The following CYLD variants were observed in gnomAD, a reference collection of about 807,000 sequenced individuals.
CYLD encodes the protein ubiquitin carboxyl-terminal hydrolase CYLD.
In CYLD, 26 loss-of-function variants were observed where a neutral mutation model predicts 104.5. That is an observed-to-expected ratio of 0.25 (90% CI 0.18 to 0.35). The LOEUF is 0.35. Among genes scored for constraint, CYLD ranks in the 10% least tolerant of loss-of-function variants. CYLD has a pLI of 1.00. For missense variants in CYLD, 703 were observed against 1,136.1 expected (o/e 0.62, Z 5.48); for synonymous variants, 385 against 399.9 (o/e 0.96, Z 0.45).
intron 2 of CYLD, chr16:50,744,990 T>TC (rs1966051916): frequency 6.6e-6 from 1 of 152,354 alleles, no homozygotes; most frequent in Admixed American, 6.5e-5. Context: ...GGCCTTCTGT[T>TC]CAACATGGCT....
At position 50,751,621 on chromosome 16, in the gene CYLD, A is replaced by G. The variant is rs1316416117; in HGVS notation, c.522A>G (p.Gln174=). The change falls in exon 4 of 19, where the codon CAA becomes CAG. Residue 174 remains glutamine, a synonymous_variant. Transcript: ENST00000427738. ...GVELLEEGRG[Q]GFTDGVYQGK... ...AAAACTAGGAAGAAGGTCGTGGTCA[A>G]GGTTTCACTGACGGGGTGTACCAAG... is the stretch of plus-strand genomic sequence containing the variant. 2 of 1,613,596 alleles carry G rather than the reference A, an allele frequency of 1.2e-6. No individual in the cohort carries two copies. Among genetic ancestry groups the G allele is most frequent in the Admixed American group, 3.3e-5 (2 of 59,972 alleles).
In CYLD at chr16:50,800,485, C is replaced by G. The variant is rs1054321751; in HGVS notation, c.*3977C>G. 1 of 233,082 alleles carries G rather than the reference C, an allele frequency of 4.3e-6. No individual in the cohort carries two copies. The highest frequency in any genetic ancestry group is 2.2e-5 in the African/African-American group (1 of 45,300). 14.4% of individuals were successfully genotyped at this position (233,082 alleles called of 1,614,324 possible). Reference sequence around the variant, plus strand: ...TGCATTTTAGTCTGTGTACCTCAACCTGCTGTTTGTTTCCTAGAGGTGTTA... The same window carrying G: ...TGCATTTTAGTCTGTGTACCTCAACGTGCTGTTTGTTTCCTAGAGGTGTTA... On this transcript the variant is annotated 3_prime_UTR_variant, in exon 19 of 19. Transcript: ENST00000427738.
At chr16:50,751,513 G>T in intron 3 of CYLD, 91 bp from the exon 4 acceptor site, 1 of 1,064,512 alleles carries the variant, frequency 9.4e-7, no homozygotes, top group Non-Finnish European at 1.4e-6. Flanking sequence ...AAATTTTCCA[G>T]AGTGATTTTC....
rs140046098 is a variant in CYLD at position 50,788,290 on chromosome 16, C to A, written c.2108+438C>A. Among the ~76,000 whole-genome samples the A allele has an allele frequency of 2.2e-4, 33 of 152,262 alleles. No individual in the cohort carries two copies. The East Asian group carries it at 6.0e-3, about 28-fold the overall frequency. ...TTAGTTGTATAACTTTGTCTCCCCT[C>A]CCCACCCACCATGTTGAATGAAAGC... is the stretch of plus-strand genomic sequence containing the variant. On this transcript the variant is annotated intron_variant, in intron 14 of 18. Coordinates refer to ENST00000427738, the MANE Select transcript of CYLD (RefSeq NM_001378743.1).
At chr16:50,773,991 T>C (rs180994491) in intron 5 of CYLD, among the ~76,000 whole-genome samples, 1 of 152,306 alleles carries the variant, frequency 6.6e-6, no homozygotes, top group Admixed American at 6.5e-5. Context: ...TAGTGTCACC[T>C]GCAGAACTGT....
rs555850153 is a variant in CYLD, at chr16:50,796,095, C to T, written c.2687-229C>T. Among the ~76,000 whole-genome samples the T allele has an allele frequency of 8.3e-4, 127 of 152,260 alleles. 1 individual carries two copies. Among genetic ancestry groups the T allele is most frequent in the African/African-American group, 2.9e-3 (122 of 41,552 alleles). Reference sequence around the variant, plus strand: ...TAGGTTGGGGGCTTACCTCAGAATTCGTGTCCTTTTACCAGGTTTATTCAC... The same window carrying T: ...TAGGTTGGGGGCTTACCTCAGAATTTGTGTCCTTTTACCAGGTTTATTCAC... On this transcript the variant is annotated intron_variant, in intron 18 of 18. Transcript: ENST00000427738.
intron 5 of CYLD, among the ~76,000 whole-genome samples, chr16:50,760,521 C>T (rs1967779504): frequency 6.6e-6 from 1 of 152,030 alleles, no homozygotes; most frequent in Admixed American, 6.6e-5. Context: ...CTTATTCCCC[C>T]TTCCCTTTTA....
chr16:50,752,517 T>C (rs1966714506), intron 4 of CYLD, among the ~76,000 whole-genome samples: 1 of 152,330 alleles, frequency 6.6e-6, no homozygotes, highest in Non-Finnish European at 1.5e-5. Context: ...TTAATTGTGG[T>C]AAAATATACA....
chr16:50,767,884 C>A (rs1290087574), intron 5 of CYLD, among the ~76,000 whole-genome samples: 3 of 152,096 alleles, frequency 2.0e-5, no homozygotes, highest in East Asian at 1.9e-4. Context: ...AAGAAAAAAA[C>A]CACCCTTTCT....
chr16:50,752,442 C>T (rs1966709115), intron 4 of CYLD, among the ~76,000 whole-genome samples: 1 of 152,080 alleles, frequency 6.6e-6, no homozygotes, highest in Admixed American at 6.5e-5. Context: ...AGGAAAACCA[C>T]ATTGATTTTG....
At chr16:50,792,812 C>A in intron 16 of CYLD, 107 bp downstream of exon 16, 1 of 663,902 alleles carries the variant, frequency 1.5e-6, no homozygotes, top group Non-Finnish European at 2.7e-6. Flanking sequence ...TTTCCCAAGG[C>A]AATTCAGTAT....
At chr16:50,750,901 A>G (rs1966564843) in intron 3 of CYLD, among the ~76,000 whole-genome samples, 1 of 152,202 alleles carries the variant, frequency 6.6e-6, no homozygotes, top group South Asian at 2.1e-4. Flanking sequence ...CCCCGATAAT[A>G]TATGTGAAAA....
Position 50,798,498 on chromosome 16 carries a change from C to T in CYLD, c.*1990C>T. ...TGTCAGTTATATGCAAATTCTGTAC[C>T]ATTTTGTATCAGGGAATTGAGCATC... On this transcript the variant is annotated 3_prime_UTR_variant, in exon 19 of 19. Transcript: ENST00000427738. The T allele has an allele frequency of 4.3e-6, 1 of 231,636 alleles. No individual in the cohort carries two copies. The highest frequency in any genetic ancestry group is 6.1e-5 in the East Asian group (1 of 16,432). 14.3% of individuals were successfully genotyped at this position (231,636 alleles called of 1,614,324 possible). A position where few individuals can be genotyped will look rare whatever the true frequency, so the allele number is the denominator to read the frequency against.
rs1567421073 is a variant in CYLD, at chr16:50,750,125, C to T, written c.427C>T (p.Pro143Ser). The T allele has an allele frequency of 1.2e-6, 2 of 1,614,060 alleles. No homozygotes were observed. Among genetic ancestry groups the T allele is most frequent in the Non-Finnish European group, 1.7e-6 (2 of 1,179,980 alleles). Residue 143 changes from proline (P) to serine (S), a missense_variant, in exon 3 of 19, where the codon CCT becomes TCT. Physicochemically the swap from Pro to Ser is moderately conservative, Grantham distance 74. Around this residue, in one of 5 missense-constraint regions of CYLD, gnomAD observed 142 missense variants for 165.1 expected, o/e 0.86. Coordinates refer to ENST00000427738, the MANE Select transcript of CYLD (RefSeq NM_001378743.1). ...GCTGAGATCTGGGGAAGAAAAATTT[C>T]CTGGAGTTGTACGCTTCAGAGGACC... ...VQLRSGEEKF[P>S]GVVRFRGPLL...
intron 5 of CYLD, among the ~76,000 whole-genome samples, chr16:50,755,170 T>TATGTGTGTGTATATACACACGTGTAC (rs1967050466): frequency 9.0e-5 from 3 of 33,394 alleles, no homozygotes. Flanking sequence ...CACGTGTACA[T>TATGTGTGTGTATATACACACGTGTAC]ATGTGTGTGT....
At chr16:50,764,559 T>C (rs1460084743) in intron 5 of CYLD, among the ~76,000 whole-genome samples, 1 of 152,218 alleles carries the variant, frequency 6.6e-6, no homozygotes, top group African/African-American at 2.4e-5. Flanking sequence ...ACCAGTGGTT[T>C]CTGACTTTCA....
rs1340471022 is a variant in CYLD, at chr16:50,751,506, T to C, written c.505-98T>C. The C allele has an allele frequency of 4.0e-6, 4 of 989,884 alleles. No individual in the cohort carries two copies. In the East Asian group the frequency reaches 9.6e-5, roughly 24 times the overall value. The allele number at this position is 989,884 out of a possible 1,614,324, so 61.3% of individuals were successfully genotyped here. On this transcript the variant is annotated intron_variant, in intron 3 of 18. Transcript: ENST00000427738. Reference sequence around the variant, plus strand: ...TCTTATTATATGTATCATTTAGAAATTTTCCAGAGTGATTTTCCTGAAATC... The same window carrying C: ...TCTTATTATATGTATCATTTAGAAACTTTCCAGAGTGATTTTCCTGAAATC...
intron 4 of CYLD, among the ~76,000 whole-genome samples, chr16:50,752,398 G>A (rs896192564): frequency 6.6e-6 from 1 of 151,842 alleles, no homozygotes; most frequent in Admixed American, 6.6e-5. Flanking sequence ...TTAATAATTA[G>A]TATAATAATC....
intron 5 of CYLD, among the ~76,000 whole-genome samples, chr16:50,755,171 A>ATG (rs202170521): frequency 5.0e-5 from 2 of 39,646 alleles, no homozygotes; most frequent in South Asian, 5.6e-4. Flanking sequence ...ACGTGTACAT[A>ATG]TGTGTGTGTA....
Sources: gnomAD v4.1 joint callset for allele counts (sites outside exome capture counted in the v4.1 genomes callset) on GRCh38, gnomAD v4.1.1 for gene constraint, gnomAD v4.1.1 regional missense constraint, MANE v1.5 for transcripts, NCBI Gene and HGNC (gene_info 2026-07-23, HGNC 2026-07-21) for gene names.